ATG7: variants seen among roughly 807,000 people sequenced by gnomAD.
The protein encoded by ATG7 is autophagy related 7, also known as ubiquitin-like modifier-activating enzyme ATG7.
Under a neutral mutation model 82.4 loss-of-function variants are expected in ATG7, and 70 were observed. The ratio of observed to expected loss-of-function variants is 0.85; its 90% CI spans 0.70 to 1.04. The LOEUF (loss-of-function observed/expected upper bound fraction) is 1.04. Among genes scored for constraint, ATG7 ranks in the 50% least tolerant of loss-of-function variants. ATG7 has a pLI of 0.00. For missense variants in ATG7, 792 were observed against 864.3 expected, an observed-to-expected ratio of 0.92 and a Z score of 1.05; for synonymous variants, 287 against 313.0, an observed-to-expected ratio of 0.92 and a Z score of 0.88.
intron 20 of ATG7, among the ~76,000 whole-genome samples, chr3:11,434,687 C>T (rs1030037444): frequency 1.3e-5 from 2 of 152,070 alleles, no homozygotes; most frequent in African/African-American, 4.8e-5. Flanking sequence ...TTGGATAAAT[C>T]GTTATTGGGG....
chr3:11,303,222 TACTGAGGAGAACTCGTGGCCTC>T (rs1947067248), intron 5 of ATG7, among the ~76,000 whole-genome samples: 1 of 152,238 alleles, frequency 6.6e-6, no homozygotes, highest in Non-Finnish European at 1.5e-5. Flanking sequence ...ACTCAGATTC[TACTGAGGAGAACTCGTGGCCTC>T]ACTTGTCTTG....
At chr3:11,455,087 A>G (rs1380611231) in intron 20 of ATG7, among the ~76,000 whole-genome samples, 2 of 152,222 alleles carry the variant, frequency 1.3e-5, no homozygotes, top group South Asian at 2.1e-4. Context: ...TTTAACAACA[A>G]TTACTATACA....
intron 20 of ATG7, among the ~76,000 whole-genome samples, chr3:11,448,115 C>T (rs997666334): frequency 1.3e-5 from 2 of 152,176 alleles, no homozygotes; most frequent in Admixed American, 6.5e-5. Flanking sequence ...GGATTTACCC[C>T]CATCTTCTCA....
rs143138757 is a variant in ATG7 at position 11,422,816 on chromosome 3, G to A, written c.1957-3988G>A. ...TGCCCAGGCTGGAGTGCAGTGTGGC[G>A]CAATCTCAGCTCACTGCAACGTCCG... is the stretch of plus-strand genomic sequence containing the variant. On this transcript the variant is annotated intron_variant, in intron 19 of 20. Coordinates refer to ENST00000693202, the MANE Select transcript of ATG7 (RefSeq NM_001349232.2). Among the ~76,000 whole-genome samples, 965 of 131,084 alleles carry A rather than the reference G, an allele frequency of 7.4e-3. 2 individuals carry two copies. Among genetic ancestry groups the A allele is most frequent in the Middle Eastern group, 0.02 (4 of 196 alleles). 86.0% of individuals were successfully genotyped at this position (131,084 alleles called of 152,430 possible). A position where few individuals can be genotyped will look rare whatever the true frequency, so the allele number is the denominator to read the frequency against.
chr3:11,391,931 A>C (rs940993634), intron 19 of ATG7, among the ~76,000 whole-genome samples: 2 of 128,384 alleles, frequency 1.6e-5, no homozygotes, highest in African/African-American at 5.7e-5. Context: ...GGTAGGATTC[A>C]TATGCATAGA....
At chr3:11,274,694 A>C (rs75885101) in intron 1 of ATG7, among the ~76,000 whole-genome samples, 3,855 of 152,198 alleles carry the variant, frequency 0.025, 64 homozygotes, top group Middle Eastern at 0.037. Context: ...ATTGCCACTG[A>C]ACTAGTTTTG....
chr3:11,279,610 G>A (rs779091749), intron 1 of ATG7, among the ~76,000 whole-genome samples: 4 of 152,110 alleles, frequency 2.6e-5, no homozygotes, highest in African/African-American at 7.2e-5. Flanking sequence ...CTTGAACCCG[G>A]GAGGCAGAGG....
intron 19 of ATG7, among the ~76,000 whole-genome samples, chr3:11,417,113 A>C (rs913832077): frequency 5.9e-5 from 9 of 152,214 alleles, no homozygotes; most frequent in African/African-American, 2.2e-4. Flanking sequence ...ACCTTGGTGA[A>C]TATTCCATGT....
chr3:11,480,792 A>G (rs756363507), intron 20 of ATG7, among the ~76,000 whole-genome samples: 32 of 152,180 alleles, frequency 2.1e-4, no homozygotes, highest in Non-Finnish European at 3.5e-4. Context: ...CTTTCCTGGG[A>G]GAGCGAGGAG....
At chr3:11,283,789 G>C (rs1943475008) in intron 3 of ATG7, among the ~76,000 whole-genome samples, 1 of 152,104 alleles carries the variant, frequency 6.6e-6, no homozygotes, top group Non-Finnish European at 1.5e-5. Flanking sequence ...AATATTAGCT[G>C]GGCATGGTGG....
At chr3:11,478,312 C>G (rs542488208) in intron 20 of ATG7, among the ~76,000 whole-genome samples, 42 of 152,272 alleles carry the variant, frequency 2.8e-4, no homozygotes, top group Non-Finnish European at 5.4e-4. Context: ...TTTTGTAAGA[C>G]CAAGGTATGA....
chr3:11,521,613 C>T (rs2574702), intron 20 of ATG7, among the ~76,000 whole-genome samples: 11 of 151,064 alleles, frequency 7.3e-5, no homozygotes, highest in East Asian at 2.0e-4. Context: ...AGCACAGTGG[C>T]GCGATATTGG....
chr3:11,518,527 C>G (rs2092346884), intron 20 of ATG7, among the ~76,000 whole-genome samples: 1 of 149,560 alleles, frequency 6.7e-6, no homozygotes, highest in Non-Finnish European at 1.5e-5. Context: ...AGCCTGTCAA[C>G]AGAGCGAGAC....
At chr3:11,277,904 C>CCCA (rs1307846103) in intron 1 of ATG7, among the ~76,000 whole-genome samples, 2 of 132,622 alleles carry the variant, frequency 1.5e-5, no homozygotes, top group South Asian at 2.9e-4. Flanking sequence ...CCCCCCCCCC[C>CCCA]ACCAGGAATG....
chr3:11,547,600 T>C (rs765758804), intron 20 of ATG7, among the ~76,000 whole-genome samples: 2 of 152,200 alleles, frequency 1.3e-5, no homozygotes, highest in Non-Finnish European at 2.9e-5. Flanking sequence ...GCCAGCTGTT[T>C]TTTATGAGGT....
chr3:11,391,157 A>G (rs926090606), intron 19 of ATG7, among the ~76,000 whole-genome samples: 3 of 152,186 alleles, frequency 2.0e-5, no homozygotes, highest in South Asian at 2.1e-4. Context: ...AAAACTTTCC[A>G]TCTTTAGAAG....
chr3:11,441,802 G>A (rs1228240488), intron 20 of ATG7, among the ~76,000 whole-genome samples: 1 of 151,468 alleles, frequency 6.6e-6, no homozygotes, highest in Non-Finnish European at 1.5e-5. Flanking sequence ...AAGAATCTGG[G>A]ACTACAGGCG....
intron 20 of ATG7, among the ~76,000 whole-genome samples, chr3:11,530,534 C>G (rs1481120187): frequency 6.6e-6 from 1 of 152,138 alleles, no homozygotes; most frequent in Non-Finnish European, 1.5e-5. Context: ...AACCCCAATT[C>G]TTTCCAGTCG....
intron 20 of ATG7, among the ~76,000 whole-genome samples, chr3:11,501,590 G>A (rs1233665316): frequency 6.6e-6 from 1 of 152,124 alleles, no homozygotes; most frequent in African/African-American, 2.4e-5. Context: ...TAGGAAAATG[G>A]TTACATAGTA....
Sources: allele counts gnomAD v4.1 joint callset (sites outside exome capture counted in the v4.1 genomes callset), GRCh38; gene constraint gnomAD v4.1.1; transcripts MANE v1.5; gene names NCBI Gene and HGNC (gene_info 2026-07-23, HGNC 2026-07-21).